The following SMPD3 variants were observed in gnomAD, a reference collection of about 807,000 sequenced individuals.
SMPD3 encodes the protein sphingomyelin phosphodiesterase 3, also known as nSMase-2.
Under a neutral mutation model 55.7 loss-of-function variants are expected in SMPD3, and 21 were observed. The ratio of observed to expected loss-of-function variants is 0.38; its 90% CI spans 0.27 to 0.54. The LOEUF is 0.54. SMPD3 is among the 20% of genes least tolerant of loss of function. SMPD3 has a pLI of 0.80. For synonymous variants in SMPD3, 457 were observed against 404.3 expected (o/e 1.13, Z -1.56); for missense variants, 842 against 899.6 (o/e 0.94, Z 0.82).
chr16:68,410,432 A>G (rs562029904), intron 1 of SMPD3, among the ~76,000 whole-genome samples: 1 of 152,112 alleles, frequency 6.6e-6, no homozygotes, highest in African/African-American at 2.4e-5. Context: ...CCATTTCTCC[A>G]GGCATCAGCA....
In SMPD3 at chr16:68,372,160, A is replaced by G. The variant is rs775673077; in HGVS notation, c.22T>C (p.Phe8Leu). ...AGGGCGGACAGACAGCTGTTAGGAA[A>G]GGGGGTCGTGTACAAAACCATCGCA... MVLYTTP[F>L]PNSCLSALHC... The change falls in exon 3 of 9, where the codon TTT becomes CTT. Residue 8 changes from phenylalanine (F) to leucine (L), a missense_variant. By Grantham distance (22) the Phe-to-Leu change is conservative. This residue lies in a region of SMPD3 where 193 missense variants were observed against 256.0 expected (regional missense o/e 0.75). Coordinates refer to ENST00000219334, the MANE Select transcript of SMPD3 (RefSeq NM_018667.4). The G allele has an allele frequency of 6.2e-7, 1 of 1,612,616 alleles. No individual in the cohort carries two copies. The highest frequency in any genetic ancestry group is 1.3e-5 in the African/African-American group (1 of 75,070).
At chr16:68,393,411 CA>C (rs1038011656) in intron 1 of SMPD3, among the ~76,000 whole-genome samples, 1 of 151,282 alleles carries the variant, frequency 6.6e-6, no homozygotes. Context: ...GTCTCAAAAA[CA>C]AAAAAAACAA....
At chr16:68,413,168 G>C (rs1245947159) in intron 1 of SMPD3, among the ~76,000 whole-genome samples, 1 of 152,252 alleles carries the variant, frequency 6.6e-6, no homozygotes, top group Non-Finnish European at 1.5e-5. Flanking sequence ...GAGTTTCGGT[G>C]ATGTTTTCCA....
rs2090615792 is a variant in SMPD3 at position 68,447,065 on chromosome 16, C to G, written c.-269+1288G>C. On this transcript the variant is annotated intron_variant, in intron 1 of 8. Coordinates refer to ENST00000219334, the MANE Select transcript of SMPD3 (RefSeq NM_018667.4). This position sits in a 1 kb window ranked among gnomAD's most constrained non-coding sequence, Gnocchi z 5.1. ...CCTGGCACGTTTCCGTGGAAGCTGC[C>G]CGCGCCGCGCCCGAAGCCCCCCCTC... Among the ~76,000 whole-genome samples the G allele has an allele frequency of 6.6e-6, 1 of 151,902 alleles. No individual in the cohort carries two copies. The highest frequency in any genetic ancestry group is 2.1e-4 in the South Asian group (1 of 4,828).
Position 68,361,230 on chromosome 16 carries a change from C to T in SMPD3, c.1944G>A (p.Val648=), listed in dbSNP as rs1268358264. The T allele has an allele frequency of 1.9e-6, 3 of 1,613,946 alleles. No homozygotes were observed. Among genetic ancestry groups the T allele is most frequent in the Middle Eastern group, 1.7e-4 (1 of 6,060 alleles). ...DHLPVAMRLM[V]SSGEEEA ...TCTATGCCTCCTCCTCCCCCGAAGA[C>T]ACCATCAGTCGCATGGCTACTGGCA... is the stretch of plus-strand genomic sequence containing the variant. Residue 648 remains valine (V), a synonymous_variant, in exon 9 of 9, where the codon GTG becomes GTA. Transcript: ENST00000219334.
chr16:68,397,967 G>A (rs1373417151), intron 1 of SMPD3, among the ~76,000 whole-genome samples: 1 of 151,494 alleles, frequency 6.6e-6, no homozygotes, highest in Non-Finnish European at 1.5e-5. Flanking sequence ...ACAACCACAG[G>A]GAGGAATATG....
intron 1 of SMPD3, among the ~76,000 whole-genome samples, chr16:68,399,832 T>C (rs568565425): frequency 2.0e-5 from 3 of 152,308 alleles, no homozygotes; most frequent in South Asian, 4.1e-4. Context: ...CCCCTTGCTA[T>C]AAACACAGTA....
chr16:68,370,235 T>A (rs2089614846), intron 3 of SMPD3: 1 of 153,002 alleles, frequency 6.5e-6, no homozygotes, highest in Admixed American at 6.5e-5. Flanking sequence ...TCACTTTAAT[T>A]AGTGACTATG....
At chr16:68,432,045 G>A (rs2090484795) in intron 1 of SMPD3, among the ~76,000 whole-genome samples, 2 of 151,866 alleles carry the variant, frequency 1.3e-5, no homozygotes, top group South Asian at 4.2e-4. Flanking sequence ...AACCAGGAAG[G>A]CAGAGGTGCA....
chr16:68,361,899 CT>C (rs1232756374), intron 7 of SMPD3, 140 bp from the exon 8 acceptor site: 9 of 1,302,208 alleles, frequency 6.9e-6, no homozygotes, highest in Non-Finnish European at 9.2e-6. Flanking sequence ...GATCTCTCCC[CT>C]GCGGGTCCAA....
intron 1 of SMPD3, among the ~76,000 whole-genome samples, chr16:68,428,590 G>T (rs2090456053): frequency 6.6e-6 from 1 of 152,202 alleles, no homozygotes; most frequent in South Asian, 2.1e-4. Context: ...GTAAATAGGA[G>T]AACCGGTCAC....
chr16:68,367,991 G>T (rs1302316028), intron 3 of SMPD3: 1 of 152,232 alleles, frequency 6.6e-6, no homozygotes, highest in Non-Finnish European at 1.5e-5. Flanking sequence ...GGAAGGAGGG[G>T]ACCGCTGATT....
intron 1 of SMPD3, among the ~76,000 whole-genome samples, chr16:68,415,804 CTTT>C (rs5817637): frequency 3.4e-4 from 45 of 133,732 alleles, no homozygotes; most frequent in Non-Finnish European, 3.4e-4. Context: ...ACCTCTTCAG[CTTT>C]TTTTTTTTTT....
rs749555332 is a variant in SMPD3, at chr16:68,363,564, G to A, written c.1646-5C>T. On this transcript the variant is annotated splice_polypyrimidine_tract_variant and splice_region_variant and intron_variant, in intron 6 of 8. Coordinates refer to ENST00000219334, the MANE Select transcript of SMPD3 (RefSeq NM_018667.4). Reference sequence around the variant, plus strand: ...CGTTCGTGTCCAGCAGAGTACCTGGGGGGGACGAGGGGGTGACAGTGGTCG... The same window carrying A: ...CGTTCGTGTCCAGCAGAGTACCTGGAGGGGACGAGGGGGTGACAGTGGTCG... 3.1e-6 allele frequency: 5 copies of A among 1,612,446 alleles called. No individual in the cohort carries two copies. Among genetic ancestry groups the A allele is most frequent in the Non-Finnish European group, 4.2e-6 (5 of 1,179,318 alleles).
chr16:68,399,435 C>T (rs1240743258), intron 1 of SMPD3, among the ~76,000 whole-genome samples: 3 of 152,182 alleles, frequency 2.0e-5, no homozygotes, highest in African/African-American at 7.2e-5. Flanking sequence ...TCCCACAGGC[C>T]TTGGATGTAA....
At position 68,428,336 on chromosome 16, in the gene SMPD3, C is replaced by T. The variant is rs138985914; in HGVS notation, c.-269+20017G>A. ...TCCTTGACTAGTGTGCCAGAGGCAA[C>T]GCTTTGAACAGAAGAGCCACACAGG... On this transcript the variant is annotated intron_variant, in intron 1 of 8. Coordinates refer to ENST00000219334, the MANE Select transcript of SMPD3 (RefSeq NM_018667.4). 1.7e-3 allele frequency among the ~76,000 whole-genome samples: 254 copies of T among 152,308 alleles called. 4 individuals are homozygous for T. Among genetic ancestry groups the T allele is most frequent in the African/African-American group, 5.7e-3 (238 of 41,574 alleles).
Position 68,363,826 on chromosome 16 carries a change from G to C in SMPD3, c.1596C>G (p.Tyr532Ter), listed in dbSNP as rs1331305086. ...LEQQHSLFTH[Y>*]RDPCRLGPGE... ...CAGGCCCCAGGCGGCAGGGGTCCCT[G>C]TAGTGGGTGAACAGGGAGTGTTGCT... The change falls in exon 6 of 9, where the codon TAC (tyrosine) becomes TAG (stop). Residue 532 changes from tyrosine to a stop codon, truncating the protein, a stop_gained. Coordinates refer to ENST00000219334, the MANE Select transcript of SMPD3 (RefSeq NM_018667.4). LOFTEE classifies it high-confidence loss of function. 6.4e-7 allele frequency: 1 copy of C among 1,571,564 alleles called. No homozygotes were observed. The highest frequency in any genetic ancestry group is 1.3e-5 in the African/African-American group (1 of 74,286).
chr16:68,444,630 C>A (rs2090596223), intron 1 of SMPD3, among the ~76,000 whole-genome samples: 1 of 152,160 alleles, frequency 6.6e-6, no homozygotes, highest in Non-Finnish European at 1.5e-5. Context: ...TCTTGATTAA[C>A]TTCAAGTGAA....
chr16:68,397,156 C>T (rs2090164327), intron 1 of SMPD3, among the ~76,000 whole-genome samples: 1 of 152,166 alleles, frequency 6.6e-6, no homozygotes, highest in South Asian at 2.1e-4. Flanking sequence ...TCCTGGTTAG[C>T]ATTTTGACCG....
Sources: allele counts gnomAD v4.1 joint callset (sites outside exome capture counted in the v4.1 genomes callset), GRCh38; gene constraint gnomAD v4.1.1; regional missense constraint gnomAD v4.1.1; non-coding constraint Gnocchi (gnomAD v3.1); transcripts MANE v1.5; gene names NCBI Gene and HGNC (gene_info 2026-07-23, HGNC 2026-07-21).